The following RIMS2 variants were observed in gnomAD, a reference collection of about 807,000 sequenced individuals.
The protein encoded by RIMS2 is regulating synaptic membrane exocytosis protein 2.
A neutral mutation model predicts 174.4 loss-of-function variants in RIMS2; 59 were observed. That is an observed-to-expected ratio of 0.34 (90% confidence interval 0.27 to 0.42). RIMS2 has a LOEUF of 0.42. Ranked by LOEUF, RIMS2 falls within the 10% of genes least tolerant of loss-of-function variation. The pLI is 1.00. For synonymous variants in RIMS2, 606 were observed against 572.5 expected (o/e 1.06, Z -0.84); for missense variants, 1,620 against 1,666.3 (o/e 0.97, Z 0.48).
intron 19 of RIMS2, among the ~76,000 whole-genome samples, chr8:104,134,175 T>C (rs1224343116): frequency 6.6e-6 from 1 of 152,150 alleles, no homozygotes; most frequent in Non-Finnish European, 1.5e-5. Flanking sequence ...AAATTCAAGA[T>C]ACTTTGGGGC....
chr8:103,993,364 T>A (rs1026455979), intron 17 of RIMS2, among the ~76,000 whole-genome samples: 1 of 152,086 alleles, frequency 6.6e-6, no homozygotes, highest in Non-Finnish European at 1.5e-5. Context: ...CTCCTATACA[T>A]TCAGTTAATA....
intron 4 of RIMS2, among the ~76,000 whole-genome samples, chr8:103,890,917 ATTG>A (rs1391842471): frequency 1.3e-5 from 2 of 152,014 alleles, no homozygotes; most frequent in Non-Finnish European, 2.9e-5. Flanking sequence ...AGGCTGGATA[ATTG>A]TTGTGTTGCA....
intron 11 of RIMS2, among the ~76,000 whole-genome samples, chr8:103,929,460 T>C (rs975602739): frequency 1.3e-5 from 2 of 151,852 alleles, no homozygotes; most frequent in Non-Finnish European, 3.0e-5. Flanking sequence ...AGTCTCATAA[T>C]AATTATTATT....
At chr8:103,797,403 G>C (rs990635609) in intron 3 of RIMS2, among the ~76,000 whole-genome samples, 2 of 152,086 alleles carry the variant, frequency 1.3e-5, no homozygotes, top group Admixed American at 1.3e-4. Context: ...ACCAAGTTAA[G>C]GTTCTAGAAA....
At chr8:104,148,938 G>A (rs927600975) in intron 19 of RIMS2, 90 bp downstream of exon 25, 148 of 1,292,166 alleles carry the variant, frequency 1.1e-4, no homozygotes, top group Non-Finnish European at 1.6e-4. Context: ...TTGCAGTAAT[G>A]TGTGGATGAT....
At chr8:104,098,043 T>G (rs2130788106) in intron 19 of RIMS2, among the ~76,000 whole-genome samples, 1 of 152,320 alleles carries the variant, frequency 6.6e-6, no homozygotes, top group South Asian at 2.1e-4. Context: ...TTAGATCTAA[T>G]TGTATGATAC....
intron 19 of RIMS2, among the ~76,000 whole-genome samples, chr8:104,164,732 A>G (rs1027503209): frequency 9.2e-5 from 14 of 152,198 alleles, no homozygotes; most frequent in African/African-American, 2.7e-4. Context: ...GTTCTTACTT[A>G]TAAGTGGAAG....
At chr8:104,137,878 T>C (rs2098534127) in intron 19 of RIMS2, among the ~76,000 whole-genome samples, 1 of 152,158 alleles carries the variant, frequency 6.6e-6, no homozygotes, top group Non-Finnish European at 1.5e-5. Context: ...CTAGATATTG[T>C]TCATTCTATC....
intron 19 of RIMS2, among the ~76,000 whole-genome samples, chr8:104,101,201 GCTGCAA>G (rs1217280022): frequency 1.3e-5 from 2 of 150,150 alleles, no homozygotes; most frequent in African/African-American, 4.9e-5. Context: ...ATCTCGGCTC[GCTGCAA>G]CTTCCGTCAC....
intron 17 of RIMS2, among the ~76,000 whole-genome samples, chr8:104,001,317 A>G (rs1272226680): frequency 3.9e-5 from 6 of 152,016 alleles, no homozygotes; most frequent in Non-Finnish European, 7.4e-5. Flanking sequence ...ATTACATATT[A>G]TATATTTGTA....
At chr8:104,099,723 A>G (rs1379421495) in intron 19 of RIMS2, among the ~76,000 whole-genome samples, 7 of 152,108 alleles carry the variant, frequency 4.6e-5, no homozygotes, top group Admixed American at 4.6e-4. Flanking sequence ...AAGAATATTA[A>G]GTCTTCTAAT....
At chr8:104,172,821 A>G (rs1037690304) in intron 19 of RIMS2, among the ~76,000 whole-genome samples, 11 of 152,236 alleles carry the variant, frequency 7.2e-5, no homozygotes, top group African/African-American at 2.7e-4. Context: ...GGATAATTTT[A>G]AAATCTCAAA....
At chr8:104,152,510 A>G (rs2098695937) in intron 19 of RIMS2, among the ~76,000 whole-genome samples, 1 of 152,130 alleles carries the variant, frequency 6.6e-6, no homozygotes, top group Admixed American at 6.6e-5. Context: ...TGTGTTCAAA[A>G]TAAGGTTTTA....
chr8:104,237,724 T>TA (rs2099266054), intron 19 of RIMS2, among the ~76,000 whole-genome samples: 1 of 152,186 alleles, frequency 6.6e-6, no homozygotes, highest in East Asian at 1.9e-4. Flanking sequence ...TGTTAATTTT[T>TA]AATCTCAATT....
chr8:103,862,566 G>A lies in RIMS2; in HGVS notation c.699-22732G>A, dbSNP rs139802867. ...GTCTGTAGCTTAATTTGGGAAGTTT[G>A]GTCATCTCCATGATATTACCTCCTG... On this transcript the variant is annotated intron_variant, in intron 3 of 23. Transcript: ENST00000504942. Among the ~76,000 whole-genome samples, 176 of 151,826 alleles carry A rather than the reference G, an allele frequency of 1.2e-3. 1 individual carries two copies. Among genetic ancestry groups the A allele is most frequent in the Admixed American group, 3.6e-3 (55 of 15,242 alleles).
At chr8:103,573,635 T>C (rs1395446299) in intron 1 of RIMS2, among the ~76,000 whole-genome samples, 1 of 152,190 alleles carries the variant, frequency 6.6e-6, no homozygotes, top group Non-Finnish European at 1.5e-5. Context: ...CAGTTTGAAG[T>C]TGGGTAATGT....
chr8:104,111,424 T>G (rs2098181017), intron 19 of RIMS2, among the ~76,000 whole-genome samples: 1 of 152,214 alleles, frequency 6.6e-6, no homozygotes, highest in African/African-American at 2.4e-5. Context: ...TTGTTTGTTT[T>G]TGAGACAGAG....
intron 1 of RIMS2, among the ~76,000 whole-genome samples, chr8:103,696,752 A>G (rs759061104): frequency 8.0e-5 from 12 of 149,722 alleles, no homozygotes; most frequent in Admixed American, 2.7e-4. Context: ...AGTCCTAGCT[A>G]TTCAGGAGGC....
In RIMS2 at chr8:103,774,387, C is replaced by A. The variant is rs73291833; in HGVS notation, c.698+7850C>A. ...AATACTTGTATGATAATGTTTATAGCAGTCTCATTCATAGAATTTCCAAAA... is the reference window on the plus strand; with the variant it reads ...AATACTTGTATGATAATGTTTATAGAAGTCTCATTCATAGAATTTCCAAAA... On this transcript the variant is annotated intron_variant, in intron 3 of 23. Transcript: ENST00000504942. Among the ~76,000 whole-genome samples, 709 of 152,256 alleles carry A rather than the reference C, an allele frequency of 4.7e-3. 7 individuals carry two copies. Among genetic ancestry groups the A allele is most frequent in the African/African-American group, 0.016 (671 of 41,556 alleles).
Sources: gnomAD v4.1 joint callset for allele counts (sites outside exome capture counted in the v4.1 genomes callset) on GRCh38, gnomAD v4.1.1 for gene constraint, MANE v1.5 for transcripts, NCBI Gene and HGNC (gene_info 2026-07-23, HGNC 2026-07-21) for gene names.